The following DIP2A variants were observed in gnomAD, a reference collection of about 807,000 sequenced individuals.
DIP2A encodes disco-interacting protein 2 homolog A.
A neutral mutation model predicts 177.4 loss-of-function variants in DIP2A; 85 were observed. That is an observed-to-expected ratio of 0.48 (90% CI 0.40 to 0.57). The LOEUF (loss-of-function observed/expected upper bound fraction) is 0.57, where lower values mean the gene tolerates loss of function less well. Ranked by LOEUF, DIP2A falls within the 20% of genes least tolerant of loss-of-function variation. The pLI is 0.00. For synonymous variants in DIP2A, 886 were observed against 881.8 expected, an observed-to-expected ratio of 1.00 and a Z score of -0.08; for missense variants, 1,791 against 2,100.2, an observed-to-expected ratio of 0.85 and a Z score of 2.88.
In DIP2A at chr21:46,461,409, C is replaced by T. The variant is rs191578313; in HGVS notation, c.91+2187C>T. 3.6e-4 allele frequency among the ~76,000 whole-genome samples: 54 copies of T among 151,536 alleles called. 1 individual carries two copies. The East Asian group carries it at 9.2e-3, about 26-fold the overall frequency. The stretch of plus-strand genomic sequence containing the variant: ...CTACTGTACTGCATTTGTTAAGGCT[C>T]TTTAGGGAAAATCACATATACGCAG... On this transcript the variant is annotated intron_variant, in intron 1 of 37. Coordinates refer to ENST00000417564, the MANE Select transcript of DIP2A (RefSeq NM_015151.4).
chr21:46,521,258 G>A (rs1466126477), intron 8 of DIP2A, among the ~76,000 whole-genome samples: 3 of 151,934 alleles, frequency 2.0e-5, no homozygotes, highest in Non-Finnish European at 4.4e-5. Flanking sequence ...GCGTGATCTC[G>A]GCTCACTGCA....
In DIP2A at chr21:46,537,076, A is replaced by G. The variant is rs2059604875; in HGVS notation, c.1643-148A>G. 4 of 767,084 alleles carry G rather than the reference A, an allele frequency of 5.2e-6. No individual in the cohort carries two copies. Among genetic ancestry groups the G allele is most frequent in the Non-Finnish European group, 9.2e-6 (4 of 433,664 alleles). 47.5% of individuals were successfully genotyped at this position (767,084 alleles called of 1,614,324 possible). A position where few individuals can be genotyped will look rare whatever the true frequency, so the allele number is the denominator to read the frequency against. On this transcript the variant is annotated intron_variant, in intron 13 of 37. Coordinates refer to ENST00000417564, the MANE Select transcript of DIP2A (RefSeq NM_015151.4). The surrounding 1 kb of genome is among the most constrained non-coding windows in gnomAD (Gnocchi z 4.1). Reference sequence around the variant, plus strand: ...ATTTGAATAGATAACCAGGATTATTATTAATTGGTATGTGGTATTTGGAAA... The same window carrying G: ...ATTTGAATAGATAACCAGGATTATTGTTAATTGGTATGTGGTATTTGGAAA...
At position 46,557,039 on chromosome 21, in the gene DIP2A, G is replaced by A. The variant is rs1308295858; in HGVS notation, c.3599G>A (p.Gly1200Asp). ...GCCATCTGCCTCGACCCCTACTGTG[G>A]CCTTGGTTTTGCCCTGTGGTGTCTG... ...QIAICLDPYC[G>D]LGFALWCLCS... The change falls in exon 30 of 38, where the codon GGC becomes GAC. Residue 1200 changes from glycine (G) to aspartate (D), a missense_variant. Gly to Asp is a moderately conservative substitution (Grantham distance 94, BLOSUM62 -1). Coordinates refer to ENST00000417564, the MANE Select transcript of DIP2A (RefSeq NM_015151.4). The surrounding 1 kb of genome is among the most constrained non-coding windows in gnomAD (Gnocchi z 6.0). 4.4e-6 allele frequency: 7 copies of A among 1,606,624 alleles called. No homozygotes were observed. The highest frequency in any genetic ancestry group is 1.3e-5 in the African/African-American group (1 of 74,756).
At position 46,519,855 on chromosome 21, in the gene DIP2A, A is replaced by ATTTTTTTTTTTT. The variant is rs59574579; in HGVS notation, c.1102+8267_1102+8278dup. 9.4e-5 allele frequency among the ~76,000 whole-genome samples: 5 copies of ATTTTTTTTTTTT among 53,018 alleles called. 2 individuals carry two copies. Among genetic ancestry groups the ATTTTTTTTTTTT allele is most frequent in the African/African-American group, 2.6e-4 (3 of 11,478 alleles). 34.8% of individuals were successfully genotyped at this position (53,018 alleles called of 152,430 possible). ...GCCCAGAATTAGAATATTGATCTAG[A>ATTTTTTTTTTTT]TTTTTTTTTTTTTTTTTTTTTTTTT... On this transcript the variant is annotated intron_variant, in intron 8 of 37. Transcript: ENST00000417564.
At chr21:46,497,222 A>G in intron 4 of DIP2A, 115 bp downstream of exon 4, 1 of 1,283,094 alleles carries the variant, frequency 7.8e-7, no homozygotes, top group East Asian at 2.7e-5. Context: ...TATAGATTGG[A>G]CGCATTTGGA....
At chr21:46,545,550 G>A (rs147522868) in intron 19 of DIP2A, among the ~76,000 whole-genome samples, 12 of 152,316 alleles carry the variant, frequency 7.9e-5, no homozygotes, top group Non-Finnish European at 1.6e-4. Flanking sequence ...GTGCGGCCTG[G>A]TGGCCAATAG....
chr21:46,570,103 A>G (rs949580649), downstream of DIP2A, among the ~76,000 whole-genome samples: 8 of 152,194 alleles, frequency 5.3e-5, no homozygotes, highest in Non-Finnish European at 8.8e-5. Context: ...GCCGTACATC[A>G]GCGTTGTTTC....
the DIP2A span, among the ~76,000 whole-genome samples, chr21:46,577,433 A>T: frequency 2.3e-4 from 35 of 152,264 alleles, no homozygotes; most frequent in Admixed American, 2.3e-3. Context: ...CAAAGATCAG[A>T]TGGTTGTAGA....
intron 8 of DIP2A, among the ~76,000 whole-genome samples, chr21:46,528,016 C>T (rs979214423): frequency 5.3e-5 from 8 of 152,048 alleles, no homozygotes; most frequent in Admixed American, 2.0e-4. Flanking sequence ...ATAGCAGCTG[C>T]GCCAGGAGGG....
chr21:46,580,455 G>T, the DIP2A span, among the ~76,000 whole-genome samples: 2 of 152,260 alleles, frequency 1.3e-5, no homozygotes, highest in South Asian at 2.1e-4. Context: ...TTTAAAGTTA[G>T]TATGGTTATG....
intron 5 of DIP2A, among the ~76,000 whole-genome samples, chr21:46,500,062 A>G (rs545105614): frequency 6.6e-6 from 1 of 152,266 alleles, no homozygotes; most frequent in African/African-American, 2.4e-5. Context: ...CAAGTTGGGT[A>G]TGTTGGGTGG....
chr21:46,555,811 AC>A, intron 28 of DIP2A, 170 bp from the exon 29 acceptor site: 1 of 629,938 alleles, frequency 1.6e-6, no homozygotes, highest in African/African-American at 1.8e-5. Context: ...AGAATGAAAT[AC>A]GCTTTCCTGA....
chr21:46,469,146 G>A (rs2055133711), intron 1 of DIP2A: 2 of 152,058 alleles, frequency 1.3e-5, no homozygotes, highest in Non-Finnish European at 2.9e-5. Flanking sequence ...CATTTTACAG[G>A]GAGCATTTCA....
Position 46,490,696 on chromosome 21 carries a change from C to T in DIP2A, c.260C>T (p.Ser87Leu), listed in dbSNP as rs867766408. The T allele has an allele frequency of 3.8e-6, 6 of 1,585,068 alleles. No individual in the cohort carries two copies. The highest frequency in any genetic ancestry group is 2.7e-5 in the African/African-American group (2 of 74,394). The change falls in exon 3 of 38, where the codon TCG becomes TTG. Residue 87 changes from serine to leucine, a missense_variant. Coordinates refer to ENST00000417564, the MANE Select transcript of DIP2A (RefSeq NM_015151.4). ...PKQQKSRPTA[S>L]RDERFRSDVH... ...CAGCAGAAGTCTCGGCCCACCGCCT[C>T]GAGGGATGAGCGCTTCCGGTCAGGT...
chr21:46,564,061 TG>T, intron 35 of DIP2A, 129 bp downstream of exon 35: 1 of 1,077,114 alleles, frequency 9.3e-7, no homozygotes, highest in Non-Finnish European at 1.3e-6. Context: ...ATTTGGCCCT[TG>T]CCCCGTGTAC....
rs2060454774 is a variant in DIP2A, at chr21:46,555,992, A to G, written c.3399A>G (p.Pro1133=). The G allele has an allele frequency of 1.2e-6, 2 of 1,613,142 alleles. No individual in the cohort carries two copies. ...TCTCCTGTTTAACAGATGACATCCC[A>G]AAAAAGAAGATAGCAAGCGTTTTCA... is the stretch of plus-strand genomic sequence containing the variant. ...WPTILDTDDI[P]KKKIASVFRP... The change falls in exon 29 of 38, where the codon CCA becomes CCG. Residue 1133 remains proline (P), a synonymous_variant. Coordinates refer to ENST00000417564, the MANE Select transcript of DIP2A (RefSeq NM_015151.4).
chr21:46,470,165 C>T (rs2055222217), intron 1 of DIP2A, among the ~76,000 whole-genome samples: 1 of 151,388 alleles, frequency 6.6e-6, no homozygotes, highest in Non-Finnish European at 1.5e-5. Flanking sequence ...GAGAGAAACC[C>T]CCATCTCTAC....
At chr21:46,510,796 A>G (rs1053882802) in intron 7 of DIP2A, among the ~76,000 whole-genome samples, 1 of 151,496 alleles carries the variant, frequency 6.6e-6, no homozygotes, top group Non-Finnish European at 1.5e-5. Flanking sequence ...ACACCTGGCT[A>G]ATTTTTTTTT....
intron 1 of DIP2A, among the ~76,000 whole-genome samples, chr21:46,480,729 A>G (rs1035066296): frequency 3.3e-5 from 5 of 152,208 alleles, no homozygotes; most frequent in African/African-American, 9.7e-5. Flanking sequence ...CTTGGGTCCA[A>G]GGTCTCTGGT....
Sources: allele counts gnomAD v4.1 joint callset (sites outside exome capture counted in the v4.1 genomes callset), GRCh38; gene constraint gnomAD v4.1.1; non-coding constraint Gnocchi (gnomAD v3.1); transcripts MANE v1.5; gene names NCBI Gene and HGNC (gene_info 2026-07-23, HGNC 2026-07-21).